The following PRKG1 variants were observed in gnomAD, a reference collection of about 807,000 sequenced individuals.
PRKG1 encodes the protein cGMP-dependent protein kinase 1.
A neutral mutation model predicts 88.1 loss-of-function variants in PRKG1; 35 were observed. The observed-to-expected ratio is 0.40, with a 90% CI of 0.30 to 0.53. The LOEUF is 0.53. Ranked by LOEUF, PRKG1 falls within the 20% of genes least tolerant of loss-of-function variation. The probability of loss-of-function intolerance (pLI) is 0.59; values close to 1 mark genes in which losing one functional copy is unlikely to be tolerated. For missense variants in PRKG1, 540 were observed against 839.8 expected (o/e 0.64, Z 4.41); for synonymous variants, 303 against 292.5 (o/e 1.04, Z -0.37).
rs185981156 is a variant in PRKG1 at position 51,110,052 on chromosome 10, A to G, written c.311+35151A>G. Among the ~76,000 whole-genome samples the G allele has an allele frequency of 1.6e-3, 241 of 152,276 alleles. 1 individual carries two copies. Among genetic ancestry groups the G allele is most frequent in the Non-Finnish European group, 1.4e-3 (97 of 67,994 alleles). On this transcript the variant is annotated intron_variant, in intron 1 of 17. Coordinates refer to ENST00000373980, the MANE Select transcript of PRKG1 (RefSeq NM_006258.4). ...TAGAATGATTAATATTAAAAGAATG[A>G]TCATACTAAGTCAGAAGAAACGAAC...
intron 3 of PRKG1, among the ~76,000 whole-genome samples, chr10:51,766,409 T>C (rs1309102119): frequency 6.6e-6 from 1 of 152,154 alleles, no homozygotes; most frequent in East Asian, 1.9e-4. Flanking sequence ...ATTGTGGGCA[T>C]GTCTGGGAAA....
chr10:51,924,724 T>C (rs935091445), intron 5 of PRKG1, among the ~76,000 whole-genome samples: 2 of 152,006 alleles, frequency 1.3e-5, no homozygotes, highest in Non-Finnish European at 2.9e-5. Flanking sequence ...TCTTTTTTTT[T>C]TTTTGTCATT....
intron 3 of PRKG1, among the ~76,000 whole-genome samples, chr10:51,738,066 C>G (rs1837337156): frequency 6.6e-6 from 1 of 152,020 alleles, no homozygotes; most frequent in South Asian, 2.1e-4. Context: ...CTGCACCCGG[C>G]TGAATTCTGT....
In PRKG1 at chr10:51,016,084, G is replaced by A. The variant is rs114786407; in HGVS notation, c.266+24440G>A. On this transcript the variant is annotated intron_variant, in intron 1 of 17. Transcript: ENST00000401604. ...CATTCTGCATATGTGTTTGCAGGAC[G>A]TCAACCTTCTAGAACGCAGTTTCAG... Among the ~76,000 whole-genome samples the A allele has an allele frequency of 3.4e-3, 511 of 152,284 alleles. 1 individual carries two copies. The highest frequency in any genetic ancestry group is 0.012 in the African/African-American group (493 of 41,554).
intron 3 of PRKG1, among the ~76,000 whole-genome samples, chr10:51,676,562 G>A (rs1056963910): frequency 2.6e-5 from 4 of 151,968 alleles, no homozygotes; most frequent in Non-Finnish European, 5.9e-5. Flanking sequence ...CAAAGGAAGT[G>A]AAGAACCAAT....
chr10:52,221,539 T>C (rs1435570266), intron 9 of PRKG1, among the ~76,000 whole-genome samples: 1 of 152,208 alleles, frequency 6.6e-6, no homozygotes. Flanking sequence ...AAATATAAAC[T>C]TTATTAATGT....
chr10:51,451,663 A>C (rs1345766102), intron 2 of PRKG1, among the ~76,000 whole-genome samples: 2 of 152,036 alleles, frequency 1.3e-5, no homozygotes, highest in Non-Finnish European at 2.9e-5. Flanking sequence ...GTATAGTTTG[A>C]TAGCAGAGAA....
chr10:51,103,385 G>A (rs541483904), intron 1 of PRKG1, among the ~76,000 whole-genome samples: 1 of 152,168 alleles, frequency 6.6e-6, no homozygotes, highest in African/African-American at 2.4e-5. Flanking sequence ...TCTATTCAAA[G>A]GATTAAGAAG....
At chr10:52,287,980 G>A (rs1479306508) in intron 14 of PRKG1, among the ~76,000 whole-genome samples, 1 of 152,064 alleles carries the variant, frequency 6.6e-6, no homozygotes, top group African/African-American at 2.4e-5. Flanking sequence ...TCACACAAAT[G>A]AAAAGATAAT....
chr10:51,815,896 A>G (rs2132632269), intron 4 of PRKG1, among the ~76,000 whole-genome samples: 1 of 152,314 alleles, frequency 6.6e-6, no homozygotes, highest in East Asian at 1.9e-4. Flanking sequence ...GCATGAGCAC[A>G]GTGCTTCACA....
intron 10 of PRKG1, among the ~76,000 whole-genome samples, chr10:52,270,621 C>A (rs1343676498): frequency 6.7e-6 from 1 of 148,884 alleles, no homozygotes; most frequent in East Asian, 2.0e-4. Flanking sequence ...ATCGCAAGGA[C>A]CAAAAACCAA....
At chr10:51,376,377 A>G (rs1157407311) in intron 2 of PRKG1, among the ~76,000 whole-genome samples, 1 of 152,130 alleles carries the variant, frequency 6.6e-6, no homozygotes, top group Non-Finnish European at 1.5e-5. Context: ...ATTGTTACCA[A>G]TAATTATTAG....
chr10:51,485,278 C>T (rs7092420), intron 3 of PRKG1, among the ~76,000 whole-genome samples: 3,774 of 152,188 alleles, frequency 0.025, 126 homozygotes, highest in African/African-American at 0.072. Flanking sequence ...GAATCAATTC[C>T]TTTGGAGTTC....
intron 2 of PRKG1, among the ~76,000 whole-genome samples, chr10:51,349,707 A>G (rs559386580): frequency 1.1e-4 from 17 of 152,042 alleles, no homozygotes; most frequent in East Asian, 1.9e-4. Context: ...GGGTTTCACC[A>G]TGTTGGCCAG....
intron 3 of PRKG1, among the ~76,000 whole-genome samples, chr10:51,523,095 G>A (rs1220858071): frequency 1.3e-5 from 2 of 152,128 alleles, no homozygotes; most frequent in African/African-American, 2.4e-5. Context: ...CAGATACTGC[G>A]AGGTTGAAGA....
intron 5 of PRKG1, among the ~76,000 whole-genome samples, chr10:51,982,025 C>G (rs887156507): frequency 6.6e-6 from 1 of 151,910 alleles, no homozygotes; most frequent in African/African-American, 2.4e-5. Flanking sequence ...TTATTTTTTT[C>G]TCTATTTTTG....
chr10:51,578,722 A>T (rs954802787), intron 3 of PRKG1, among the ~76,000 whole-genome samples: 29 of 152,194 alleles, frequency 1.9e-4, no homozygotes, highest in African/African-American at 7.0e-4. Context: ...ATTAATGCCA[A>T]CATTTTCAAT....
At chr10:51,530,970 G>GC (rs1292754941) in intron 3 of PRKG1, among the ~76,000 whole-genome samples, 1 of 152,092 alleles carries the variant, frequency 6.6e-6, no homozygotes, top group Non-Finnish European at 1.5e-5. Context: ...TTTCTGTCCT[G>GC]CCAGATCTCT....
intron 5 of PRKG1, among the ~76,000 whole-genome samples, chr10:51,925,082 G>A (rs760450414): frequency 2.4e-4 from 36 of 151,222 alleles, no homozygotes; most frequent in Non-Finnish European, 4.1e-4. Flanking sequence ...TGCATTGTGG[G>A]TTTTTAATTT....
Sources: gnomAD v4.1 joint callset for allele counts (sites outside exome capture counted in the v4.1 genomes callset) on GRCh38, gnomAD v4.1.1 for gene constraint, MANE v1.5 for transcripts, NCBI Gene and HGNC (gene_info 2026-07-23, HGNC 2026-07-21) for gene names.